The following SATB2 variants were observed in gnomAD, a reference collection of about 807,000 sequenced individuals.
The protein encoded by SATB2 is DNA-binding protein SATB2.
SATB2 carries 1 observed loss-of-function variant against 73.4 expected under a neutral mutation model. That is an observed-to-expected ratio of 0.01 (90% CI 0.00 to 0.06). The LOEUF (loss-of-function observed/expected upper bound fraction) is 0.06, where lower values mean the gene tolerates loss of function less well. Among genes scored for constraint, SATB2 ranks in the 10% least tolerant of loss-of-function variants. The pLI is 1.00. For synonymous variants in SATB2, 397 were observed against 367.0 expected, an observed-to-expected ratio of 1.08 and a Z score of -0.93; for missense variants, 459 against 945.8, an observed-to-expected ratio of 0.49 and a Z score of 6.75.
intron 5 of SATB2, among the ~76,000 whole-genome samples, chr2:199,374,330 A>C (rs571327501): frequency 3.3e-5 from 5 of 152,352 alleles, no homozygotes; most frequent in Admixed American, 1.3e-4. Context: ...CTATGATTCC[A>C]CTTACATAAG....
At chr2:199,285,210 T>C (rs991462880) in intron 10 of SATB2, among the ~76,000 whole-genome samples, 2 of 152,116 alleles carry the variant, frequency 1.3e-5, no homozygotes, top group Admixed American at 1.3e-4. Context: ...TTGAAAACTT[T>C]GGATGACATG....
At chr2:199,431,445 G>C (rs867109927) in intron 3 of SATB2, among the ~76,000 whole-genome samples, 1 of 152,006 alleles carries the variant, frequency 6.6e-6, no homozygotes, top group African/African-American at 2.4e-5. Flanking sequence ...TAAAATCTTT[G>C]CTTACCTATA....
At chr2:199,421,831 C>CA (rs1184911869) in intron 3 of SATB2, among the ~76,000 whole-genome samples, 4 of 152,054 alleles carry the variant, frequency 2.6e-5, no homozygotes, top group East Asian at 1.9e-4. Context: ...ACATTAATGT[C>CA]AAAAAAGTTT....
intron 2 of SATB2, among the ~76,000 whole-genome samples, chr2:199,438,066 G>GT (rs1407396387): frequency 6.6e-6 from 1 of 151,700 alleles, no homozygotes; most frequent in African/African-American, 2.4e-5. Context: ...GAGATGTGTC[G>GT]TAAGTATACA....
chr2:199,353,148 CT>C (rs11369554), intron 6 of SATB2, among the ~76,000 whole-genome samples: 3,269 of 87,794 alleles, frequency 0.037, 56 homozygotes, highest in African/African-American at 0.14. Flanking sequence ...ACGTTTTTGT[CT>C]TTTTTTTTTT....
intron 3 of SATB2, among the ~76,000 whole-genome samples, chr2:199,391,837 C>T (rs1244418137): frequency 6.6e-6 from 1 of 152,026 alleles, no homozygotes; most frequent in Non-Finnish European, 1.5e-5. Context: ...AGAAAAAATG[C>T]CATATAAATT....
chr2:199,336,725 C>T (rs1309714923), intron 7 of SATB2, among the ~76,000 whole-genome samples: 1 of 152,188 alleles, frequency 6.6e-6, no homozygotes, highest in Admixed American at 6.6e-5. Flanking sequence ...GTTTGAAAGT[C>T]TGTTTACCCC....
At chr2:199,469,150 G>C (rs1692653115), upstream of SATB2, among the ~76,000 whole-genome samples, 1 of 152,226 alleles carries the variant, frequency 6.6e-6, no homozygotes, top group Non-Finnish European at 1.5e-5. Flanking sequence ...GAGGAAGGGA[G>C]GGTGAAGGAG....
chr2:199,383,238 A>C (rs1574570350), intron 3 of SATB2, among the ~76,000 whole-genome samples: 1 of 152,304 alleles, frequency 6.6e-6, no homozygotes, highest in East Asian at 1.9e-4. Context: ...TGGCTCCTTA[A>C]GTCATATTTC....
In SATB2 at chr2:199,308,684, C is replaced by A; in HGVS notation, c.1740+76G>T. ...CTGACAGAAGTTGGTGTGGTGTGTGCCACTTGGACCCTCAGCAGCTACTGC... is the reference window on the plus strand; with the variant it reads ...CTGACAGAAGTTGGTGTGGTGTGTGACACTTGGACCCTCAGCAGCTACTGC... On this transcript the variant is annotated intron_variant, in intron 10 of 10. Transcript: ENST00000417098. The surrounding 1 kb of genome is among the most constrained non-coding windows in gnomAD (Gnocchi z 4.6). The A allele has an allele frequency of 7.8e-7, 1 of 1,287,728 alleles. No individual in the cohort carries two copies. Among genetic ancestry groups the A allele is most frequent in the Non-Finnish European group, 1.1e-6 (1 of 893,470 alleles). 79.8% of individuals were successfully genotyped at this position (1,287,728 alleles called of 1,614,324 possible). A position where few individuals can be genotyped will look rare whatever the true frequency, so the allele number is the denominator to read the frequency against.
At chr2:199,404,450 C>T (rs568149077) in intron 3 of SATB2, among the ~76,000 whole-genome samples, 5 of 152,112 alleles carry the variant, frequency 3.3e-5, no homozygotes, top group African/African-American at 9.6e-5. Flanking sequence ...TAACATACCA[C>T]GGGGAAGAAC....
intron 10 of SATB2, among the ~76,000 whole-genome samples, chr2:199,307,950 G>C (rs1490618864): frequency 6.6e-6 from 1 of 152,154 alleles, no homozygotes; most frequent in African/African-American, 2.4e-5. Flanking sequence ...ACAGGCCAAA[G>C]GGTCCTCTTT....
At chr2:199,309,650 GA>G (rs1687539348) in intron 9 of SATB2, among the ~76,000 whole-genome samples, 1 of 152,158 alleles carries the variant, frequency 6.6e-6, no homozygotes, top group Non-Finnish European at 1.5e-5. Context: ...AACTGCATGA[GA>G]AAGAAAATGT....
chr2:199,351,011 C>T (rs1017266084), intron 6 of SATB2, among the ~76,000 whole-genome samples: 4 of 136,052 alleles, frequency 2.9e-5, no homozygotes, highest in Non-Finnish European at 4.6e-5. Flanking sequence ...GCCTGAGTGA[C>T]GAGCGAGACT....
At position 199,270,350 on chromosome 2, in the gene SATB2, T is replaced by G. The variant is rs1266992590; in HGVS notation, c.*1861A>C. The G allele has an allele frequency of 1.3e-5, 2 of 152,720 alleles. No homozygotes were observed. The highest frequency in any genetic ancestry group is 4.8e-5 in the African/African-American group (2 of 41,436). 9.5% of individuals were successfully genotyped at this position (152,720 alleles called of 1,614,324 possible). On this transcript the variant is annotated 3_prime_UTR_variant, in exon 11 of 11. Coordinates refer to ENST00000417098, the MANE Select transcript of SATB2 (RefSeq NM_001172509.2). Reference sequence around the variant, plus strand: ...GTATATTGTAAGTTCTGAGTTAATATCTACACATAGAGGTTTTTTTTTTAA... The same window carrying G: ...GTATATTGTAAGTTCTGAGTTAATAGCTACACATAGAGGTTTTTTTTTTAA...
chr2:199,320,730 C>A (rs552174862), intron 9 of SATB2, among the ~76,000 whole-genome samples: 5 of 152,118 alleles, frequency 3.3e-5, no homozygotes, highest in African/African-American at 1.2e-4. Context: ...TAAACACTTA[C>A]AGCCCTCGAG....
rs1689953462 is a variant in SATB2 at position 199,386,700 on chromosome 2, GCGCGCGCGCGCGCGCGCACA to G, written c.347-4900_347-4881del. On this transcript the variant is annotated intron_variant, in intron 3 of 10. Coordinates refer to ENST00000417098, the MANE Select transcript of SATB2 (RefSeq NM_001172509.2). ...ATATTTCATACACGTGCGCAAGCGC[GCGCGCGCGCGCGCGCGCACA>G]CACACACACACACACACACACACAC... Among the ~76,000 whole-genome samples the G allele has an allele frequency of 5.6e-3, 12 of 2,148 alleles. 1 individual carries two copies. Among genetic ancestry groups the G allele is most frequent in the Admixed American group, 0.026 (12 of 462 alleles). 1.4% of individuals were successfully genotyped at this position (2,148 alleles called of 152,430 possible). A position where few individuals can be genotyped will look rare whatever the true frequency, so the allele number is the denominator to read the frequency against.
rs1687959005 is a variant in SATB2, at chr2:199,323,862, T to G, written c.1483A>C (p.Met495Leu). 6.2e-7 allele frequency: 1 copy of G among 1,613,496 alleles called. No individual in the cohort carries two copies. The part of the protein sequence containing the change: ...AAIYDEIQQE[M>L]KRAKVSQALF... Reference sequence around the variant, plus strand: ...GCTTGAGACACCTTGGCCCTTTTCATCTCCTGTTGGATCTCGTCATAAATG... The same window carrying G: ...GCTTGAGACACCTTGGCCCTTTTCAGCTCCTGTTGGATCTCGTCATAAATG... Residue 495 changes from methionine (M) to leucine (L), a missense_variant, in exon 9 of 11, where the codon ATG becomes CTG. Physicochemically the swap from Met to Leu is conservative, Grantham distance 15 (BLOSUM62 2). This residue lies in a region of SATB2 where 3 missense variants were observed against 42.9 expected (regional missense o/e 0.07). Transcript: ENST00000417098.
At chr2:199,373,092 TGAA>T (rs971314711) in intron 5 of SATB2, among the ~76,000 whole-genome samples, 2 of 152,192 alleles carry the variant, frequency 1.3e-5, no homozygotes, top group East Asian at 1.9e-4. Context: ...ACACTTGTTA[TGAA>T]GAAGAACATT....
Sources: gnomAD v4.1 joint callset for allele counts (sites outside exome capture counted in the v4.1 genomes callset) on GRCh38, gnomAD v4.1.1 for gene constraint, gnomAD v4.1.1 regional missense constraint, Gnocchi (gnomAD v3.1) non-coding constraint, MANE v1.5 for transcripts, NCBI Gene and HGNC (gene_info 2026-07-23, HGNC 2026-07-21) for gene names.